Variants in ANO1 observed in about 807,000 individuals in gnomAD.
The protein encoded by ANO1 is anoctamin 1, also known as anoctamin-1.
Under a neutral mutation model 124.0 loss-of-function variants are expected in ANO1, and 59 were observed. The ratio of observed to expected loss-of-function variants is 0.48; its 90% CI spans 0.39 to 0.59. The LOEUF is 0.59. ANO1 is among the 20% of genes least tolerant of loss of function. The probability of loss-of-function intolerance (pLI) is 0.00; values close to 1 mark genes in which losing one functional copy is unlikely to be tolerated. For missense variants in ANO1, 1,059 were observed against 1,328.0 expected, an observed-to-expected ratio of 0.80 and a Z score of 3.15; for synonymous variants, 529 against 532.0, an observed-to-expected ratio of 0.99 and a Z score of 0.08.
intron 10 of ANO1, among the ~76,000 whole-genome samples, chr11:70,131,435 C>T (rs2509173): frequency 0.41 from 62,491 of 151,984 alleles, 13,738 homozygotes; most frequent in East Asian, 0.57. Flanking sequence ...TCAAGCGATT[C>T]TTCTGCCTCA....
intron 11 of ANO1, among the ~76,000 whole-genome samples, chr11:70,145,676 A>G (rs2047343281): frequency 6.6e-6 from 1 of 152,048 alleles, no homozygotes; most frequent in Admixed American, 6.6e-5. Context: ...GTGGCTCATA[A>G]CTGTAATCCC....
At position 70,161,205 on chromosome 11, in the gene ANO1, A is replaced by ATCTACAGG; in HGVS notation, c.1623_1624insTCTACAGG (p.Ile542SerfsTer12). 1 of 1,613,582 alleles carries ATCTACAGG rather than the reference A, an allele frequency of 6.2e-7. No individual in the cohort carries two copies. Among genetic ancestry groups the ATCTACAGG allele is most frequent in the Non-Finnish European group, 8.5e-7 (1 of 1,179,812 alleles). On this transcript the variant is annotated frameshift_variant, in exon 17 of 26. Transcript: ENST00000355303. LOFTEE classifies it high-confidence loss of function. ...TCGTCCTCGGCGTCATCATCTACAG[A>ATCTACAGG]ATCTCCATGGCCGCCGCCTTGGCCA...
intron 10 of ANO1, among the ~76,000 whole-genome samples, chr11:70,131,678 C>T (rs2046765242): frequency 1.3e-5 from 2 of 152,198 alleles, no homozygotes; most frequent in Admixed American, 6.5e-5. Flanking sequence ...AAGCATGAGG[C>T]CCTGCTGAGC....
chr11:70,010,179 G>GTGTATGTATATATATATATATATA, intron 1 of ANO1, among the ~76,000 whole-genome samples: 2 of 83,776 alleles, frequency 2.4e-5, no homozygotes, highest in Non-Finnish European at 4.8e-5. Flanking sequence ...GTGTGTGTGT[G>GTGTATGTATATATATATATATATA]TATATATATA....
Position 70,088,010 on chromosome 11 carries a change from G to C in ANO1, c.367G>C (p.Asp123His). The C allele has an allele frequency of 6.5e-7, 1 of 1,543,930 alleles. No homozygotes were observed. Among genetic ancestry groups the C allele is most frequent in the Non-Finnish European group, 8.7e-7 (1 of 1,144,400 alleles). ...GCCCCCGATGGACTACCACGAGGAT[G>C]ACAAGCGCTTCCGCAGGGAGGAGTA... ...GEPPMDYHED[D>H]KRFRREEYEG... Residue 123 changes from aspartate to histidine, a missense_variant, in exon 2 of 26, where the codon GAC (aspartate) becomes CAC (histidine). By Grantham distance (81) the Asp-to-His change is moderately conservative. Coordinates refer to ENST00000355303, the MANE Select transcript of ANO1 (RefSeq NM_018043.7).
rs1590693648 is a variant in ANO1 at position 70,088,049 on chromosome 11, C to G, written c.406C>G (p.Leu136Val). Residue 136 changes from leucine (L) to valine (V), a missense_variant, in exon 2 of 26, where the codon CTG becomes GTG. Coordinates refer to ENST00000355303, the MANE Select transcript of ANO1 (RefSeq NM_018043.7). ...CAGGGAGGAGTACGAGGGCAACCTC[C>G]TGGAGGCGGGCCTGGAGCTGGAGCG... ...FRREEYEGNL[L>V]EAGLELERDE... The G allele has an allele frequency of 7.0e-7, 1 of 1,432,204 alleles. No individual in the cohort carries two copies. Among genetic ancestry groups the G allele is most frequent in the East Asian group, 2.7e-5 (1 of 37,634 alleles). 88.7% of individuals were successfully genotyped at this position (1,432,204 alleles called of 1,614,324 possible). A position where few individuals can be genotyped will look rare whatever the true frequency, so the allele number is the denominator to read the frequency against.
At chr11:70,169,168 G>T (rs2048363379) in intron 21 of ANO1, among the ~76,000 whole-genome samples, 1 of 152,180 alleles carries the variant, frequency 6.6e-6, no homozygotes, top group South Asian at 2.1e-4. Flanking sequence ...GAGAGTGGCA[G>T]CCCCTTCCCT....
chr11:70,179,413 GGA>G (rs2048853515), intron 22 of ANO1, among the ~76,000 whole-genome samples: 1 of 152,336 alleles, frequency 6.6e-6, no homozygotes, highest in South Asian at 2.1e-4. Flanking sequence ...GAAGACGAAT[GGA>G]GAGACCAGCA....
intron 1 of ANO1, among the ~76,000 whole-genome samples, chr11:69,999,073 A>G (rs1294536014): frequency 6.6e-6 from 1 of 151,906 alleles, no homozygotes. Context: ...GAAAGAAAGA[A>G]AGAGAGACCT....
intron 1 of ANO1, among the ~76,000 whole-genome samples, chr11:70,019,275 G>GC (rs1565162226): frequency 8.5e-6 from 1 of 117,566 alleles, no homozygotes; most frequent in East Asian, 3.0e-4. Flanking sequence ...TCACTCCCCC[G>GC]TCTATGGACT....
intron 2 of ANO1, among the ~76,000 whole-genome samples, chr11:70,100,277 G>A (rs752547065): frequency 6.6e-6 from 1 of 152,242 alleles, no homozygotes; most frequent in Non-Finnish European, 1.5e-5. Context: ...TGCTCCTGGA[G>A]CCTGCGAACG....
Position 70,111,768 on chromosome 11 carries a change from TAA to T in ANO1, c.855+7_855+8del, listed in dbSNP as rs749280152. On this transcript the variant is annotated splice_region_variant and intron_variant, in intron 7 of 25. Coordinates refer to ENST00000355303, the MANE Select transcript of ANO1 (RefSeq NM_018043.7). ...CTGCATACCCACTGCACGATGTAAG[TAA>T]CCTTGACACACGATTTATCTCTGCG... 6.2e-7 allele frequency: 1 copy of T among 1,613,952 alleles called. No homozygotes were observed.
chr11:70,149,162 A>G (rs1299900634), intron 11 of ANO1, among the ~76,000 whole-genome samples: 1 of 151,956 alleles, frequency 6.6e-6, no homozygotes, highest in East Asian at 1.9e-4. Flanking sequence ...CTCTCAGACC[A>G]TGCTGCCCAT....
At chr11:70,111,009 G>A (rs1185812237) in intron 6 of ANO1, 5 of 402,056 alleles carry the variant, frequency 1.2e-5, no homozygotes, top group Middle Eastern at 6.1e-4. Flanking sequence ...ACTGCCTCCA[G>A]GAGCACTGGA....
chr11:70,021,919 C>T (rs1250050604), intron 1 of ANO1, among the ~76,000 whole-genome samples: 1 of 152,198 alleles, frequency 6.6e-6, no homozygotes, highest in Admixed American at 6.5e-5. Context: ...CACACAAGAA[C>T]TTGTTCCCCC....
In ANO1 at chr11:70,112,950, C is replaced by T. The variant is rs142524737; in HGVS notation, c.855+1188C>T. Among the ~76,000 whole-genome samples, 434 of 152,284 alleles carry T rather than the reference C, an allele frequency of 2.8e-3. 5 individuals are homozygous for T. Among genetic ancestry groups the T allele is most frequent in the African/African-American group, 9.9e-3 (413 of 41,562 alleles). On this transcript the variant is annotated intron_variant, in intron 7 of 25. Coordinates refer to ENST00000355303, the MANE Select transcript of ANO1 (RefSeq NM_018043.7). The stretch of plus-strand genomic sequence containing the variant: ...GCAGTTCAGGGGTGTATTCTCCAGA[C>T]GGTTGACCCCAAGGGAAGGAGTCTA...
At position 70,131,910 on chromosome 11, in the gene ANO1, C is replaced by T. The variant is rs753104843; in HGVS notation, c.1098-9C>T. 3 of 1,602,408 alleles carry T rather than the reference C, an allele frequency of 1.9e-6. No individual in the cohort carries two copies. In the Admixed American group the frequency reaches 5.0e-5, roughly 27 times the overall value. On this transcript the variant is annotated splice_polypyrimidine_tract_variant and intron_variant, in intron 10 of 25. Coordinates refer to ENST00000355303, the MANE Select transcript of ANO1 (RefSeq NM_018043.7). ...CAAGGTGACTCCAGGGCTGCCCCCT[C>T]TCTTGCAGCATGGAGATGTGTGACC...
At chr11:70,154,336 C>A (rs2047718623) in intron 14 of ANO1, among the ~76,000 whole-genome samples, 1 of 152,042 alleles carries the variant, frequency 6.6e-6, no homozygotes, top group East Asian at 1.9e-4. Flanking sequence ...GTTACAGTTG[C>A]CAAAATCCCA....
the ANO1 span, among the ~76,000 whole-genome samples, chr11:69,977,219 C>A: frequency 1.3e-5 from 2 of 152,220 alleles, no homozygotes; most frequent in Non-Finnish European, 2.9e-5. Context: ...GCTTGCGTGA[C>A]CCTAGCGAGT....
Sources: gnomAD v4.1 joint callset for allele counts (sites outside exome capture counted in the v4.1 genomes callset) on GRCh38, gnomAD v4.1.1 for gene constraint, MANE v1.5 for transcripts, NCBI Gene and HGNC (gene_info 2026-07-23, HGNC 2026-07-21) for gene names.